CTNNAL1: variants seen among roughly 807,000 people sequenced by gnomAD.
CTNNAL1 encodes catenin alpha like 1, also known as alpha-catulin.
Under a neutral mutation model 93.6 loss-of-function variants are expected in CTNNAL1, and 69 were observed. That is an observed-to-expected ratio of 0.74 (90% CI 0.61 to 0.90). The LOEUF is 0.90. Among genes scored for constraint, CTNNAL1 ranks in the 40% least tolerant of loss-of-function variants. CTNNAL1 has a pLI of 0.00. For synonymous variants in CTNNAL1, 286 were observed against 305.4 expected, an observed-to-expected ratio of 0.94 and a Z score of 0.66; for missense variants, 836 against 862.0, an observed-to-expected ratio of 0.97 and a Z score of 0.38.
chr9:108,984,523 C>T (rs1831541083), intron 4 of CTNNAL1, 87 bp from the exon 5 acceptor site: 8 of 494,526 alleles, frequency 1.6e-5, no homozygotes, highest in Non-Finnish European at 2.9e-5. Context: ...CACTAATACT[C>T]AAGAATTCAC....
At chr9:108,980,593 C>A (rs1024271635) in intron 6 of CTNNAL1, among the ~76,000 whole-genome samples, 1 of 152,026 alleles carries the variant, frequency 6.6e-6, no homozygotes, top group Non-Finnish European at 1.5e-5. Context: ...CTGCTCTTGG[C>A]CCAAGTTGTG....
chr9:108,984,395 A>G lies in CTNNAL1; in HGVS notation c.681T>C (p.Ala227=). The change falls in exon 5 of 19, where the codon GCT becomes GCC. Residue 227 remains alanine (A), a synonymous_variant. Coordinates refer to ENST00000325551, the MANE Select transcript of CTNNAL1 (RefSeq NM_003798.4). ...TTGTACACTTTTCAAGAACTGCCCTAGCTGCTGCCATTTTTGCCTTTTTCT... is the reference window on the plus strand; with the variant it reads ...TTGTACACTTTTCAAGAACTGCCCTGGCTGCTGCCATTTTTGCCTTTTTCT... ...DEKKKAKMAA[A]RAVLEKCTMM... 1.2e-6 allele frequency: 2 copies of G among 1,612,490 alleles called. No individual in the cohort carries two copies. Among genetic ancestry groups the G allele is most frequent in the African/African-American group, 1.3e-5 (1 of 75,014 alleles).
chr9:109,012,096 T>C (rs1310400025), intron 1 of CTNNAL1, among the ~76,000 whole-genome samples: 2 of 152,222 alleles, frequency 1.3e-5, no homozygotes, highest in Non-Finnish European at 2.9e-5. Flanking sequence ...GAGTGTCAGA[T>C]ATATTCATCA....
At chr9:109,013,040 G>C (rs1195937924) in intron 1 of CTNNAL1, among the ~76,000 whole-genome samples, 1 of 152,074 alleles carries the variant, frequency 6.6e-6, no homozygotes, top group Non-Finnish European at 1.5e-5. Context: ...GGGGGCAAAG[G>C]CCCAGGCCGG....
At chr9:108,981,319 C>G (rs1433099812) in intron 6 of CTNNAL1, among the ~76,000 whole-genome samples, 1 of 152,130 alleles carries the variant, frequency 6.6e-6, no homozygotes, top group Non-Finnish European at 1.5e-5. Flanking sequence ...TTGGTCTGTA[C>G]AGTTTCTTTC....
intron 4 of CTNNAL1, among the ~76,000 whole-genome samples, chr9:108,984,752 G>A (rs895136497): frequency 9.2e-5 from 14 of 152,108 alleles, no homozygotes; most frequent in South Asian, 2.1e-4. Flanking sequence ...CACACACTGC[G>A]TCCTAACCAG....
chr9:108,945,362 A>T (rs1294384414), intron 15 of CTNNAL1, among the ~76,000 whole-genome samples: 1 of 152,218 alleles, frequency 6.6e-6, no homozygotes, highest in African/African-American at 2.4e-5. Flanking sequence ...ATGCTAAGTA[A>T]ATCGCAGTTA....
At chr9:108,973,183 A>G (rs1831167252) in intron 8 of CTNNAL1, among the ~76,000 whole-genome samples, 1 of 152,104 alleles carries the variant, frequency 6.6e-6, no homozygotes, top group African/African-American at 2.4e-5. Context: ...TCATTCTGTT[A>G]TCAACCAGCT....
chr9:108,979,435 T>C lies in CTNNAL1; in HGVS notation c.947A>G (p.Glu316Gly). The C allele has an allele frequency of 6.2e-7, 1 of 1,614,138 alleles. No homozygotes were observed. The highest frequency in any genetic ancestry group is 8.5e-7 in the Non-Finnish European group (1 of 1,180,010). ...GACTTCCAATGTCACAGAAAGGTTC[T>C]CTTTGGACTGAAAATAAAGATTCTC... ...LRENLYFQSK[E>G]NLSVTLEVIL... is the part of the protein sequence containing the mutation. The change falls in exon 7 of 19, where the codon GAG becomes GGG. Residue 316 changes from glutamate to glycine, a missense_variant. Transcript: ENST00000325551.
At chr9:109,009,455 TCTTC>T (rs1443470854) in intron 1 of CTNNAL1, among the ~76,000 whole-genome samples, 2 of 152,212 alleles carry the variant, frequency 1.3e-5, no homozygotes, top group African/African-American at 2.4e-5. Context: ...TTTTTTAAGT[TCTTC>T]CTTTCCCCAC....
chr9:108,987,309 T>C (rs970673618), intron 4 of CTNNAL1, among the ~76,000 whole-genome samples: 1 of 151,608 alleles, frequency 6.6e-6, no homozygotes, highest in Non-Finnish European at 1.5e-5. Flanking sequence ...TGCTTGTTTT[T>C]CTCAGGTTTG....
At chr9:108,956,728 A>G (rs1830696599) in intron 11 of CTNNAL1, among the ~76,000 whole-genome samples, 1 of 152,154 alleles carries the variant, frequency 6.6e-6, no homozygotes, top group Admixed American at 6.5e-5. Flanking sequence ...AAATGGGCAA[A>G]CCTGTTTGTC....
intron 14 of CTNNAL1, among the ~76,000 whole-genome samples, chr9:108,951,936 A>G (rs1015921463): frequency 6.6e-6 from 1 of 152,244 alleles, no homozygotes; most frequent in Non-Finnish European, 1.5e-5. Flanking sequence ...TTAACAATGC[A>G]GGATAACAAA....
At position 108,965,497 on chromosome 9, in the gene CTNNAL1, T is replaced by C. The variant is rs1022478208; in HGVS notation, c.1472A>G (p.His491Arg). The C allele has an allele frequency of 1.9e-6, 3 of 1,583,800 alleles. No homozygotes were observed. Among genetic ancestry groups the C allele is most frequent in the Non-Finnish European group, 2.6e-6 (3 of 1,166,246 alleles). ...TTCTTTAGCAATTTTACTAGATGGA[T>C]GCAATGTCAATGTTTCAGCAGCAGA... Reference protein sequence around the residue: ...IISAAETLTLHPSSKIAKENL... With the variant: ...IISAAETLTLRPSSKIAKENL... Residue 491 changes from histidine (H) to arginine (R), a missense_variant, in exon 11 of 19, where the codon CAT becomes CGT. His to Arg is a conservative substitution (Grantham distance 29, BLOSUM62 0). Transcript: ENST00000325551.
chr9:108,999,365 T>A, intron 1 of CTNNAL1, 109 bp from the exon 2 acceptor site: 1 of 1,017,572 alleles, frequency 9.8e-7, no homozygotes, highest in Non-Finnish European at 1.4e-6. Flanking sequence ...CTCAATAGAC[T>A]AAATCAATAG....
intron 4 of CTNNAL1, among the ~76,000 whole-genome samples, chr9:108,988,692 T>A (rs1831690319): frequency 6.6e-6 from 1 of 152,216 alleles, no homozygotes; most frequent in South Asian, 2.1e-4. Flanking sequence ...TTGGCCTTCG[T>A]GTTCTTTGAA....
chr9:108,952,209 C>T lies in CTNNAL1; in HGVS notation c.1835G>A (p.Arg612Lys), dbSNP rs777945592. 3.1e-6 allele frequency: 5 copies of T among 1,602,776 alleles called. No homozygotes were observed. Among genetic ancestry groups the T allele is most frequent in the South Asian group, 1.1e-5 (1 of 89,022 alleles). The change falls in exon 14 of 19, where the codon AGA becomes AAA. Residue 612 changes from arginine (R) to lysine (K), a missense_variant and splice_region_variant. Coordinates refer to ENST00000325551, the MANE Select transcript of CTNNAL1 (RefSeq NM_003798.4). ...SMAYSLYLFTRGEGPLKTSQD... is the reference protein window; with the variant it reads ...SMAYSLYLFTKGEGPLKTSQD... ...AAAATAAAAATACAACTACATTTAC[C>T]TAGTAAATAAATACAGAGAATAGGC... is the stretch of plus-strand genomic sequence containing the variant.
chr9:108,954,688 C>T (rs1265030409), intron 12 of CTNNAL1, among the ~76,000 whole-genome samples: 2 of 152,136 alleles, frequency 1.3e-5, no homozygotes, highest in South Asian at 2.1e-4. Context: ...GTATCATGAT[C>T]GCTTTTACAC....
Position 108,984,335 on chromosome 9 carries a change from A to T in CTNNAL1, c.729+12T>A. ...ATTAATTTATTACACAGTAAAACCA[A>T]AATTGTCTTACCTTTGAAGCTGTGA... On this transcript the variant is annotated intron_variant, in intron 5 of 18. Transcript: ENST00000325551. The T allele has an allele frequency of 6.5e-7, 1 of 1,534,182 alleles. No homozygotes were observed. The highest frequency in any genetic ancestry group is 9.0e-7 in the Non-Finnish European group (1 of 1,111,554).
Sources: gnomAD v4.1 joint callset for allele counts (sites outside exome capture counted in the v4.1 genomes callset) on GRCh38, gnomAD v4.1.1 for gene constraint, MANE v1.5 for transcripts, NCBI Gene and HGNC (gene_info 2026-07-23, HGNC 2026-07-21) for gene names.